AMBRA1: variants seen among roughly 807,000 people sequenced by gnomAD.
AMBRA1 encodes the protein autophagy and beclin 1 regulator 1, also known as activating molecule in BECN1-regulated autophagy protein 1.
In AMBRA1, 47 loss-of-function variants were observed where a neutral mutation model predicts 125.4. The observed-to-expected ratio is 0.37, with a 90% confidence interval of 0.30 to 0.48. The LOEUF (loss-of-function observed/expected upper bound fraction) is 0.48. Ranked by LOEUF, AMBRA1 falls within the 20% of genes least tolerant of loss-of-function variation. The pLI is 0.99. For synonymous variants in AMBRA1, 626 were observed against 655.5 expected (o/e 0.95, Z 0.69); for missense variants, 1,331 against 1,693.4 (o/e 0.79, Z 3.76).
intron 11 of AMBRA1, among the ~76,000 whole-genome samples, chr11:46,461,918 C>T (rs1056967731): frequency 1.4e-4 from 22 of 152,178 alleles, no homozygotes; most frequent in African/African-American, 4.3e-4. Flanking sequence ...TGCCATATAA[C>T]GTCTTACCCT....
At chr11:46,480,904 C>T (rs896181731) in intron 11 of AMBRA1, among the ~76,000 whole-genome samples, 5 of 152,174 alleles carry the variant, frequency 3.3e-5, no homozygotes, top group Admixed American at 1.3e-4. Flanking sequence ...TGGGGCACAG[C>T]CTCTTAAAGA....
At chr11:46,529,526 C>T (rs993282809) in intron 7 of AMBRA1, among the ~76,000 whole-genome samples, 11 of 152,198 alleles carry the variant, frequency 7.2e-5, no homozygotes, top group African/African-American at 2.4e-4. Flanking sequence ...TATTTACCCA[C>T]ACCTAACCAT....
At chr11:46,468,652 CA>C (rs994686651) in intron 11 of AMBRA1, among the ~76,000 whole-genome samples, 69 of 141,204 alleles carry the variant, frequency 4.9e-4, no homozygotes, top group South Asian at 1.1e-3. Flanking sequence ...CAAAAAAATA[CA>C]AAAAAAAAAA....
At chr11:46,519,170 T>G (rs1951649675) in intron 7 of AMBRA1, among the ~76,000 whole-genome samples, 1 of 152,306 alleles carries the variant, frequency 6.6e-6, no homozygotes, top group South Asian at 2.1e-4. Flanking sequence ...GCTACAGGCA[T>G]GCACCACCAA....
At chr11:46,483,885 G>A (rs552271001) in intron 11 of AMBRA1, among the ~76,000 whole-genome samples, 1 of 152,014 alleles carries the variant, frequency 6.6e-6, no homozygotes, top group South Asian at 2.1e-4. Context: ...GTGAGACTCT[G>A]TCTCGAAAAG....
At chr11:46,487,794 T>C (rs1489192) in intron 11 of AMBRA1, among the ~76,000 whole-genome samples, 32,161 of 151,680 alleles carry the variant, frequency 0.21, 4,068 homozygotes, top group African/African-American at 0.36. Context: ...AACAGTAAAA[T>C]GGCAGACAAA....
chr11:46,548,221 T>C (rs1565283110), intron 2 of AMBRA1, 25 bp downstream of exon 2: 3 of 1,613,968 alleles, frequency 1.9e-6, no homozygotes, highest in East Asian at 2.2e-5. Flanking sequence ...ACAAATCCTA[T>C]GTGAAATATA....
At chr11:46,440,466 G>A (rs2136738641) in intron 12 of AMBRA1, among the ~76,000 whole-genome samples, 1 of 152,110 alleles carries the variant, frequency 6.6e-6, no homozygotes, top group African/African-American at 2.4e-5. Flanking sequence ...GAGGAGGAGT[G>A]GTAGGATTTG....
intron 1 of AMBRA1, among the ~76,000 whole-genome samples, chr11:46,582,260 C>G (rs760874159): frequency 2.6e-5 from 4 of 152,262 alleles, no homozygotes; most frequent in Non-Finnish European, 5.9e-5. Flanking sequence ...GTCAAGTTCT[C>G]TCCCATCCTG....
At chr11:46,591,722 G>T (rs921405726) in intron 1 of AMBRA1, among the ~76,000 whole-genome samples, 1 of 151,748 alleles carries the variant, frequency 6.6e-6, no homozygotes, top group Non-Finnish European at 1.5e-5. Flanking sequence ...TGGGCGTGGT[G>T]GCGACGCCTG....
intron 11 of AMBRA1, among the ~76,000 whole-genome samples, chr11:46,486,919 AAAT>A (rs1162466143): frequency 7.3e-6 from 1 of 136,900 alleles, no homozygotes; most frequent in East Asian, 2.0e-4. Flanking sequence ...ATAAATAAAT[AAAT>A]AAATAAATAA....
chr11:46,471,524 G>A (rs951183487), intron 11 of AMBRA1, among the ~76,000 whole-genome samples: 4 of 151,642 alleles, frequency 2.6e-5, no homozygotes, highest in Non-Finnish European at 5.9e-5. Context: ...GTTGCAGTGA[G>A]CCGAGATCGC....
At chr11:46,531,950 T>C (rs1952235775) in intron 7 of AMBRA1, among the ~76,000 whole-genome samples, 1 of 151,576 alleles carries the variant, frequency 6.6e-6, no homozygotes, top group African/African-American at 2.4e-5. Context: ...AAACCCTGTC[T>C]CTACTGAAAA....
intron 1 of AMBRA1, among the ~76,000 whole-genome samples, chr11:46,571,661 A>T (rs1331375703): frequency 6.6e-6 from 1 of 150,728 alleles, no homozygotes; most frequent in East Asian, 2.0e-4. Context: ...AGGTGACAGA[A>T]TGAGTCCGTG....
At chr11:46,507,748 C>T (rs1027266235) in intron 9 of AMBRA1, among the ~76,000 whole-genome samples, 5 of 152,140 alleles carry the variant, frequency 3.3e-5, no homozygotes, top group African/African-American at 1.2e-4. Context: ...GATAGAAAAT[C>T]CGCCTCTTAG....
intron 7 of AMBRA1, among the ~76,000 whole-genome samples, chr11:46,532,407 T>C (rs991262277): frequency 2.6e-5 from 4 of 152,240 alleles, no homozygotes; most frequent in Non-Finnish European, 4.4e-5. Context: ...AATTTACTAC[T>C]GATAAGCTTA....
intron 7 of AMBRA1, chr11:46,518,088 T>C: frequency 1.0e-6 from 1 of 982,912 alleles, no homozygotes; most frequent in Non-Finnish European, 1.2e-6. Flanking sequence ...CACACAAAAA[T>C]CTTAAAGTAA....
chr11:46,531,395 G>A (rs953351641), intron 7 of AMBRA1, among the ~76,000 whole-genome samples: 2 of 152,142 alleles, frequency 1.3e-5, no homozygotes, highest in Non-Finnish European at 2.9e-5. Context: ...TTGGGCAGGT[G>A]AGCAGCAAAG....
At chr11:46,483,036 TA>T (rs1316799421) in intron 11 of AMBRA1, among the ~76,000 whole-genome samples, 1 of 128,540 alleles carries the variant, frequency 7.8e-6, no homozygotes, top group Admixed American at 7.7e-5. Context: ...AAAAAAAGAG[TA>T]AAAACCATGA....
Sources: allele counts gnomAD v4.1 joint callset (sites outside exome capture counted in the v4.1 genomes callset), GRCh38; gene constraint gnomAD v4.1.1; transcripts MANE v1.5; gene names NCBI Gene and HGNC (gene_info 2026-07-23, HGNC 2026-07-21).